LYPD3: variants seen among roughly 807,000 people sequenced by gnomAD.
LYPD3 encodes LY6/PLAUR domain containing 3, also known as ly6/PLAUR domain-containing protein 3.
In LYPD3, 22 loss-of-function variants were observed where a neutral mutation model predicts 21.7. The ratio of observed to expected loss-of-function variants is 1.01; its 90% CI spans 0.72 to 1.45. LYPD3 has a LOEUF of 1.45. LYPD3 is among the 40% of genes most tolerant of loss of function. LYPD3 has a pLI of 0.00. For synonymous variants in LYPD3, 179 were observed against 203.0 expected (o/e 0.88, Z 1.00); for missense variants, 471 against 466.9 (o/e 1.01, Z -0.08).
In LYPD3 at chr19:43,465,493, C is replaced by G. The variant is rs1970814440; in HGVS notation, c.79G>C (p.Gly27Arg). 6.2e-7 allele frequency: 1 copy of G among 1,609,138 alleles called. No individual in the cohort carries two copies. Among genetic ancestry groups the G allele is most frequent in the Non-Finnish European group, 8.5e-7 (1 of 1,179,952 alleles). ...CCACCTCTCCGGGCAGCAGACCCAC[C>G]TCCGCGAAGCAGCAGCAGCAGCAGC... ...GWLLLLLLRGGAQALECYSCV... is the reference protein window; with the variant it reads ...GWLLLLLLRGRAQALECYSCV... The change falls in exon 1 of 5, where the codon GGA (glycine) becomes CGA (arginine). Residue 27 changes from glycine (G) to arginine (R), a missense_variant and splice_region_variant. Physicochemically the swap from Gly to Arg is moderately radical, Grantham distance 125. Transcript: ENST00000244333.
intron 2 of LYPD3, 48 bp from the exon 3 acceptor site, chr19:43,463,817 T>A: frequency 6.3e-7 from 1 of 1,589,336 alleles, no homozygotes; most frequent in Non-Finnish European, 8.6e-7. Context: ...TGGTCTCAGA[T>A]GGGGCGTGGC....
chr19:43,464,160 G>A (rs2260164), intron 2 of LYPD3, 165 bp downstream of exon 2: 207,511 of 918,702 alleles, frequency 0.23, 24,589 homozygotes, highest in Non-Finnish European at 0.24. Context: ...TGTTAATAGA[G>A]AAGGCCTGGC....
At position 43,461,500 on chromosome 19, in the gene LYPD3, C is replaced by A; in HGVS notation, c.892G>T (p.Gly298Ter). 1.2e-6 allele frequency: 2 copies of A among 1,614,188 alleles called. No homozygotes were observed. The highest frequency in any genetic ancestry group is 2.2e-5 in the South Asian group (2 of 91,074). The part of the protein sequence containing the change: ...ASRDEEPRLT[G>*]GAAGHQDRSN... ...CGGTCCTGGTGGCCAGCGGCGCCTC[C>A]AGTCAACCTGGGCTCCTCATCCCGG... is the stretch of plus-strand genomic sequence containing the variant. The change falls in exon 5 of 5, where the codon GGA becomes TGA. Residue 298 changes from glycine (G) to a stop codon, truncating the protein, a stop_gained. Coordinates refer to ENST00000244333, the MANE Select transcript of LYPD3 (RefSeq NM_014400.3). LOFTEE classifies it low-confidence loss of function (END_TRUNC).
chr19:43,461,699 G>A lies in LYPD3; in HGVS notation c.693C>T (p.Phe231=). ...GGACAAGGGGTGGGATTCGAGGGGA[G>A]AAGTAGGTCTTGTTGCGGAGGTCAG... is the stretch of plus-strand genomic sequence containing the variant. ...CNSDLRNKTY[F]SPRIPPLVRL... The change falls in exon 5 of 5, where the codon TTC becomes TTT. Residue 231 remains phenylalanine, a synonymous_variant. Transcript: ENST00000244333. The A allele has an allele frequency of 6.2e-7, 1 of 1,614,176 alleles. No individual in the cohort carries two copies. The highest frequency in any genetic ancestry group is 8.5e-7 in the Non-Finnish European group (1 of 1,180,042).
chr19:43,464,222 C>A, intron 2 of LYPD3, 103 bp downstream of exon 2: 3 of 1,439,672 alleles, frequency 2.1e-6, no homozygotes, highest in Non-Finnish European at 1.9e-6. Flanking sequence ...AGGGGTGGGG[C>A]CGCGTTAAAG....
intron 2 of LYPD3, chr19:43,464,099 T>C (rs1970800610): frequency 2.9e-6 from 2 of 679,716 alleles, no homozygotes; most frequent in East Asian, 5.5e-5. Flanking sequence ...ACCCGAGCTC[T>C]CCCCGTCCGC....
chr19:43,460,924 A>G lies in LYPD3; in HGVS notation c.*427T>C, dbSNP rs45563535. On this transcript the variant is annotated 3_prime_UTR_variant, in exon 5 of 5. Coordinates refer to ENST00000244333, the MANE Select transcript of LYPD3 (RefSeq NM_014400.3). ...GACATATGGGGAACCGATTCCCCAA[A>G]GATGCGGGGAGTAGGGGAGGCAGTG... is the stretch of plus-strand genomic sequence containing the variant. 3.4e-3 allele frequency: 653 copies of G among 190,364 alleles called. 5 individuals are homozygous for G. The highest frequency in any genetic ancestry group is 5.6e-3 in the Non-Finnish European group (509 of 90,786). The allele number at this position is 190,364 out of a possible 1,614,324, so 11.8% of individuals were successfully genotyped here. A position where few individuals can be genotyped will look rare whatever the true frequency, so the allele number is the denominator to read the frequency against.
Position 43,463,762 on chromosome 19 carries a change from TC to T in LYPD3, c.218del (p.Gly73AspfsTer74), listed in dbSNP as rs959691933. On this transcript the variant is annotated frameshift_variant, in exon 3 of 5. Coordinates refer to ENST00000244333, the MANE Select transcript of LYPD3 (RefSeq NM_014400.3). LOFTEE classifies it high-confidence loss of function. The part of the protein sequence containing the change: ...EAVGAVETIH[G>X]QFSLAVRGCG... ...AACCCCGCACTGCCAGCGAGAATTGTCCGTGGACTAGGGAGAGGGACAAGGG... is the reference window on the plus strand; with the variant it reads ...AACCCCGCACTGCCAGCGAGAATTGTCGTGGACTAGGGAGAGGGACAAGGG... The T allele has an allele frequency of 6.2e-7, 1 of 1,612,940 alleles. No homozygotes were observed. The highest frequency in any genetic ancestry group is 1.3e-5 in the African/African-American group (1 of 74,922).
In LYPD3 at chr19:43,460,806, A is replaced by G. The variant is rs887607192; in HGVS notation, c.*545T>C. 6.3e-6 allele frequency: 1 copy of G among 158,072 alleles called. No homozygotes were observed. Among genetic ancestry groups the G allele is most frequent in the Admixed American group, 6.1e-5 (1 of 16,264 alleles). The allele number at this position is 158,072 out of a possible 1,614,324, so 9.8% of individuals were successfully genotyped here. ...TTAAAGCACTATACAAAGTAATTAA[A>G]TCTTTATTGAGGCATTTATGTGCCA... On this transcript the variant is annotated 3_prime_UTR_variant, in exon 5 of 5. Coordinates refer to ENST00000244333, the MANE Select transcript of LYPD3 (RefSeq NM_014400.3).
chr19:43,463,096 C>T, intron 4 of LYPD3, 30 bp downstream of exon 4: 4 of 1,608,690 alleles, frequency 2.5e-6, no homozygotes, highest in Non-Finnish European at 2.5e-6. Flanking sequence ...CCACAACTCC[C>T]GTAGGTCCCG....
In LYPD3 at chr19:43,461,424, T is replaced by C. The variant is rs1970774070; in HGVS notation, c.968A>G (p.Asn323Ser). The C allele has an allele frequency of 1.2e-6, 2 of 1,614,098 alleles. No individual in the cohort carries two copies. Among genetic ancestry groups the C allele is most frequent in the Non-Finnish European group, 8.5e-7 (1 of 1,179,956 alleles). The change falls in exon 5 of 5, where the codon AAT becomes AGT. Residue 323 changes from asparagine (N) to serine (S), a missense_variant. Physicochemically the swap from Asn to Ser is conservative, Grantham distance 46. Coordinates refer to ENST00000244333, the MANE Select transcript of LYPD3 (RefSeq NM_014400.3). ...AGCTGTGGGAGCCACACAGCCTTTA[T>C]TATGGGGCTGCTGGGGCCCCCCTTT... ...PAKGGPQQPH[N>S]KGCVAPTAGL... is the part of the protein sequence containing the mutation.
intron 4 of LYPD3, among the ~76,000 whole-genome samples, chr19:43,462,053 A>T (rs1163755814): frequency 6.6e-6 from 1 of 151,644 alleles, no homozygotes. Context: ...AAAAAAGAAC[A>T]GAGAACCCCC....
rs549982148 is a variant in LYPD3, at chr19:43,465,596, C to T, written c.-25G>A. On this transcript the variant is annotated 5_prime_UTR_variant, in exon 1 of 5. Transcript: ENST00000244333. The stretch of plus-strand genomic sequence containing the variant: ...TGGCTCCGTCCTGCTCCCTTGGCGT[C>T]CCCCCTGGATGTGCCGCCTCCGAGC... 1.7e-5 allele frequency: 28 copies of T among 1,602,126 alleles called. No homozygotes were observed. Among genetic ancestry groups the T allele is most frequent in the East Asian group, 1.6e-4 (7 of 44,734 alleles).
Position 43,463,106 on chromosome 19 carries a change from G to A in LYPD3, c.544+20C>T. The A allele has an allele frequency of 3.1e-6, 5 of 1,610,166 alleles. No individual in the cohort carries two copies. Among genetic ancestry groups the A allele is most frequent in the Non-Finnish European group, 2.5e-6 (3 of 1,179,654 alleles). Reference sequence around the variant, plus strand: ...GGCTACCACAACTCCCGTAGGTCCCGTGCTCCGGGGCTCCCTCACCTGCCG... The same window carrying A: ...GGCTACCACAACTCCCGTAGGTCCCATGCTCCGGGGCTCCCTCACCTGCCG... On this transcript the variant is annotated intron_variant, in intron 4 of 4. Transcript: ENST00000244333.
intron 3 of LYPD3, 129 bp from the exon 4 acceptor site, chr19:43,463,416 A>G (rs756533755): frequency 7.3e-7 from 1 of 1,373,606 alleles, no homozygotes; most frequent in Non-Finnish European, 1.0e-6. Flanking sequence ...GCCCCGCCCC[A>G]GCGCGCAACC....
Position 43,461,367 on chromosome 19 carries a change from G to A in LYPD3, c.1025C>T (p.Ala342Val). The A allele has an allele frequency of 1.9e-6, 3 of 1,604,486 alleles. No homozygotes were observed. The highest frequency in any genetic ancestry group is 2.6e-6 in the Non-Finnish European group (3 of 1,174,094). Residue 342 changes from alanine (A) to valine (V), a missense_variant, in exon 5 of 5, where the codon GCT becomes GTT. Physicochemically the swap from Ala to Val is moderately conservative, Grantham distance 64 (BLOSUM62 0). Coordinates refer to ENST00000244333, the MANE Select transcript of LYPD3 (RefSeq NM_014400.3). ...GLAALLLAVA[A>V]GVLL ...TGGAGAAGCTCACAGTAGGACACCA[G>A]CAGCCACGGCCAACAGAAGGGCTGC...
In LYPD3 at chr19:43,461,240, A is replaced by C; in HGVS notation, c.*111T>G. The C allele has an allele frequency of 1.5e-6, 2 of 1,319,190 alleles. No individual in the cohort carries two copies. Among genetic ancestry groups the C allele is most frequent in the Non-Finnish European group, 2.0e-6 (2 of 981,766 alleles). The allele number at this position is 1,319,190 out of a possible 1,614,324, so 81.7% of individuals were successfully genotyped here. A position where few individuals can be genotyped will look rare whatever the true frequency, so the allele number is the denominator to read the frequency against. ...AGCTGGGGATACTGGGGAATGTTGG[A>C]AAAACAGGGGCTGGGCCAGCCCAGT... is the stretch of plus-strand genomic sequence containing the variant. On this transcript the variant is annotated 3_prime_UTR_variant, in exon 5 of 5. Transcript: ENST00000244333.
At position 43,461,377 on chromosome 19, in the gene LYPD3, C is replaced by A; in HGVS notation, c.1015G>T (p.Ala339Ser). Residue 339 changes from alanine (A) to serine (S), a missense_variant, in exon 5 of 5, where the codon GCC (alanine) becomes TCC (serine). Transcript: ENST00000244333. ...PTAGLAALLL[A>S]VAAGVLL ...CACAGTAGGACACCAGCAGCCACGG[C>A]CAACAGAAGGGCTGCCAATCCAGCT... 6.2e-7 allele frequency: 1 copy of A among 1,607,062 alleles called. No individual in the cohort carries two copies. Among genetic ancestry groups the A allele is most frequent in the Non-Finnish European group, 8.5e-7 (1 of 1,175,490 alleles).
Position 43,464,311 on chromosome 19 carries a change from G to T in LYPD3, c.211+14C>A. The stretch of plus-strand genomic sequence containing the variant: ...GCCTGCAGTGGTGTGCGTGGCCCGG[G>T]GGTCCCCACTCACTGGTCTCCACCG... On this transcript the variant is annotated intron_variant, in intron 2 of 4. Transcript: ENST00000244333. The T allele has an allele frequency of 6.3e-7, 1 of 1,594,536 alleles. No homozygotes were observed. Among genetic ancestry groups the T allele is most frequent in the Non-Finnish European group, 8.5e-7 (1 of 1,171,580 alleles).
Sources: gnomAD v4.1 joint callset for allele counts (sites outside exome capture counted in the v4.1 genomes callset) on GRCh38, gnomAD v4.1.1 for gene constraint, MANE v1.5 for transcripts, NCBI Gene and HGNC (gene_info 2026-07-23, HGNC 2026-07-21) for gene names.